Variants in CHODL observed in about 807,000 individuals in gnomAD.
CHODL encodes the protein transmembrane protein MT75.
In CHODL, 29 loss-of-function variants were observed where a neutral mutation model predicts 34.5. That is an observed-to-expected ratio of 0.84 (90% CI 0.63 to 1.15). CHODL has a LOEUF of 1.15. CHODL is among the 50% of genes most tolerant of loss of function. The pLI is 0.00. For synonymous variants in CHODL, 125 were observed against 116.1 expected, an observed-to-expected ratio of 1.08 and a Z score of -0.49; for missense variants, 332 against 332.5, an observed-to-expected ratio of 1.00 and a Z score of 0.01.
intron 1 of CHODL, among the ~76,000 whole-genome samples, chr21:17,957,234 A>G (rs780522499): frequency 2.4e-4 from 37 of 152,044 alleles, no homozygotes; most frequent in Non-Finnish European, 4.9e-4. Context: ...ACCACCACCA[A>G]CATGTTTAGG....
At chr21:18,136,929 A>C (rs934269611) in intron 2 of CHODL, among the ~76,000 whole-genome samples, 1 of 151,976 alleles carries the variant, frequency 6.6e-6, no homozygotes, top group African/African-American at 2.4e-5. Context: ...CATGACATAC[A>C]GAAAAAAGAT....
chr21:18,214,229 G>C (rs1003757203), intron 2 of CHODL, among the ~76,000 whole-genome samples: 1 of 152,008 alleles, frequency 6.6e-6, no homozygotes, highest in Non-Finnish European at 1.5e-5. Flanking sequence ...TATCCATTAA[G>C]AAATGTTGAA....
intron 1 of CHODL, among the ~76,000 whole-genome samples, chr21:18,256,184 A>G (rs1346972897): frequency 1.3e-5 from 2 of 152,262 alleles, no homozygotes; most frequent in South Asian, 2.1e-4. Flanking sequence ...ACTTTACTAT[A>G]CACTCCTGAA....
At chr21:18,010,297 C>CAAAAAAAAAAAA (rs71189576) in intron 1 of CHODL, among the ~76,000 whole-genome samples, 11 of 38,720 alleles carry the variant, frequency 2.8e-4, no homozygotes, top group South Asian at 2.0e-3. Context: ...ACTCCCGTCT[C>CAAAAAAAAAAAA]AAAAAAAAAA....
chr21:18,091,478 G>T (rs1600990923), intron 2 of CHODL, among the ~76,000 whole-genome samples: 1 of 152,288 alleles, frequency 6.6e-6, no homozygotes, highest in Non-Finnish European at 1.5e-5. Context: ...AAGGAGAGGA[G>T]AGCAAAGTGT....
Position 17,987,406 on chromosome 21 carries a change from A to G in CHODL, c.-144-40466A>G, listed in dbSNP as rs146015763. 6.6e-3 allele frequency among the ~76,000 whole-genome samples: 1,011 copies of G among 152,310 alleles called. 16 individuals carry two copies. Among genetic ancestry groups the G allele is most frequent in the African/African-American group, 0.022 (916 of 41,552 alleles). The stretch of plus-strand genomic sequence containing the variant: ...TTCAATACTGCATTTTCTAAAAAAT[A>G]TAGCCACTTATTCTACCTAGTAGTG... On this transcript the variant is annotated intron_variant, in intron 1 of 6. Transcript: ENST00000400127.
At chr21:18,262,275 A>G (rs1397114972) in intron 4 of CHODL, among the ~76,000 whole-genome samples, 1 of 152,150 alleles carries the variant, frequency 6.6e-6, no homozygotes, top group African/African-American at 2.4e-5. Context: ...GCCACTTAAC[A>G]ATGGGGACAT....
intron 1 of CHODL, among the ~76,000 whole-genome samples, chr21:18,004,817 T>C (rs991311215): frequency 4.1e-5 from 6 of 147,496 alleles, no homozygotes; most frequent in East Asian, 2.0e-4. Flanking sequence ...AAAGATTAAA[T>C]GAGGTAAAAA....
At chr21:17,992,715 G>GTTTTTTTTTTTTTTTTTTTTTTTTTTTTT (rs1237074983) in intron 1 of CHODL, among the ~76,000 whole-genome samples, 1 of 31,510 alleles carries the variant, frequency 3.2e-5, no homozygotes. Context: ...TTCTGGTGGA[G>GTTTTTTTTTTTTTTTTTTTTTTTTTTTTT]TTGTTTTTTT....
intron 2 of CHODL, among the ~76,000 whole-genome samples, chr21:18,204,338 C>T (rs2073688674): frequency 2.0e-5 from 3 of 152,006 alleles, no homozygotes; most frequent in Non-Finnish European, 4.4e-5. Context: ...ATTTTTAAAA[C>T]TTTAGGATAA....
intron 1 of CHODL, among the ~76,000 whole-genome samples, chr21:18,019,293 C>T (rs1039790951): frequency 1.3e-5 from 2 of 151,978 alleles, no homozygotes; most frequent in African/African-American, 2.4e-5. Context: ...ATAGAGAATG[C>T]AAAGTTAATA....
At chr21:18,257,151 T>G (rs748421817) in intron 3 of CHODL, 24 bp downstream of exon 3, 2 of 1,580,906 alleles carry the variant, frequency 1.3e-6, no homozygotes, top group South Asian at 2.3e-5. Flanking sequence ...AAAGAAGGTA[T>G]AGAAGATTTT....
At chr21:17,936,252 G>C (rs1037525410) in intron 1 of CHODL, among the ~76,000 whole-genome samples, 3 of 152,140 alleles carry the variant, frequency 2.0e-5, no homozygotes, top group Non-Finnish European at 4.4e-5. Context: ...TCATTGGGAA[G>C]GAAGGCTTGA....
upstream of CHODL, among the ~76,000 whole-genome samples, chr21:18,241,930 T>G (rs1030853889): frequency 6.6e-6 from 1 of 152,142 alleles, no homozygotes; most frequent in Non-Finnish European, 1.5e-5. Context: ...AAGAAAGTGA[T>G]GCATTTTAGG....
At chr21:18,246,034 C>G (rs1184237474) in intron 1 of CHODL, 9 of 1,102,698 alleles carry the variant, frequency 8.2e-6, no homozygotes, top group African/African-American at 1.6e-5. Flanking sequence ...GCAAGCTTCC[C>G]AGGTTGTCTT....
chr21:18,175,490 G>A (rs766908112), intron 2 of CHODL, among the ~76,000 whole-genome samples: 8 of 152,018 alleles, frequency 5.3e-5, no homozygotes, highest in Non-Finnish European at 8.8e-5. Context: ...CTACTCGGGA[G>A]GCTGAGGCAG....
chr21:18,010,532 C>T (rs2064009584), intron 1 of CHODL, among the ~76,000 whole-genome samples: 1 of 152,104 alleles, frequency 6.6e-6, no homozygotes, highest in Admixed American at 6.5e-5. Context: ...TTCACAAAAT[C>T]CCAGCCTTCT....
intron 2 of CHODL, among the ~76,000 whole-genome samples, chr21:18,155,606 G>A (rs891952583): frequency 1.3e-5 from 2 of 152,190 alleles, no homozygotes; most frequent in Admixed American, 1.3e-4. Context: ...GCAGAATTTC[G>A]AGGTTGTTAG....
chr21:17,976,111 A>G (rs1380970217), intron 1 of CHODL, among the ~76,000 whole-genome samples: 1 of 151,990 alleles, frequency 6.6e-6, no homozygotes, highest in African/African-American at 2.4e-5. Flanking sequence ...TCTCTACCCA[A>G]AATCCTCAAA....
Sources: allele counts gnomAD v4.1 joint callset (sites outside exome capture counted in the v4.1 genomes callset), GRCh38; gene constraint gnomAD v4.1.1; transcripts MANE v1.5; gene names NCBI Gene and HGNC (gene_info 2026-07-23, HGNC 2026-07-21).